TPP2: variants seen among roughly 807,000 people sequenced by gnomAD.
The protein encoded by TPP2 is tripeptidyl-peptidase 2.
A neutral mutation model predicts 155.9 loss-of-function variants in TPP2; 34 were observed. That is an observed-to-expected ratio of 0.22 (90% confidence interval 0.17 to 0.29). The LOEUF is 0.29. Among genes scored for constraint, TPP2 ranks in the 10% least tolerant of loss-of-function variants. The pLI is 1.00. For missense variants in TPP2, 1,028 were observed against 1,522.3 expected (o/e 0.68, Z 5.40); for synonymous variants, 510 against 529.4 (o/e 0.96, Z 0.50).
chr13:102,623,400 C>T (rs916423106), intron 6 of TPP2, among the ~76,000 whole-genome samples: 6 of 152,072 alleles, frequency 3.9e-5, no homozygotes, highest in Admixed American at 6.6e-5. Flanking sequence ...CCCATCTCTA[C>T]TAAAAATATA....
intron 28 of TPP2, among the ~76,000 whole-genome samples, chr13:102,675,780 A>G (rs927200262): frequency 3.9e-5 from 6 of 152,204 alleles, no homozygotes; most frequent in East Asian, 1.9e-4. Flanking sequence ...TACAATACAA[A>G]TCAGTGTCAG....
chr13:102,638,927 C>G (rs560705724), intron 15 of TPP2, among the ~76,000 whole-genome samples: 1 of 152,194 alleles, frequency 6.6e-6, no homozygotes, highest in Admixed American at 6.5e-5. Flanking sequence ...CCTGTCATTC[C>G]GTACACCAAA....
chr13:102,658,271 G>T (rs529969032), intron 25 of TPP2, among the ~76,000 whole-genome samples: 2 of 152,266 alleles, frequency 1.3e-5, no homozygotes, highest in Admixed American at 1.3e-4. Context: ...GTTTTAGAGG[G>T]AATAGAAGTC....
At chr13:102,651,644 T>C (rs1883495225) in intron 24 of TPP2, among the ~76,000 whole-genome samples, 1 of 152,048 alleles carries the variant, frequency 6.6e-6, no homozygotes, top group South Asian at 2.1e-4. Flanking sequence ...ACAAAAATTT[T>C]AATGCTATTC....
At chr13:102,644,817 A>G (rs1273176625) in intron 18 of TPP2, 92 bp from the exon 19 acceptor site, 27 of 1,483,228 alleles carry the variant, frequency 1.8e-5, no homozygotes, top group Non-Finnish European at 2.3e-5. Flanking sequence ...GTGGGTACTT[A>G]TAAACTTTAT....
intron 6 of TPP2, chr13:102,626,793 G>T: frequency 3.0e-6 from 1 of 331,700 alleles, no homozygotes; most frequent in Non-Finnish European, 5.3e-6. Context: ...TTTTTTTATT[G>T]TGAATTTGAA....
chr13:102,627,279 A>G (rs1329636877), intron 7 of TPP2, 113 bp downstream of exon 7: 1 of 999,586 alleles, frequency 1.0e-6, no homozygotes, highest in African/African-American at 1.7e-5. Flanking sequence ...TATATAGTGT[A>G]CAGGACTTTT....
chr13:102,645,215 G>T (rs145490434), intron 19 of TPP2, among the ~76,000 whole-genome samples: 1 of 152,090 alleles, frequency 6.6e-6, no homozygotes, highest in African/African-American at 2.4e-5. Flanking sequence ...CAAGGATGGT[G>T]GATAGCCGAT....
intron 2 of TPP2, among the ~76,000 whole-genome samples, chr13:102,606,002 G>A (rs1052687989): frequency 1.1e-4 from 17 of 152,246 alleles, no homozygotes; most frequent in Non-Finnish European, 1.9e-4. Context: ...GATTATAGGC[G>A]TGAGCCAGGG....
In TPP2 at chr13:102,679,928, G is replaced by T. The variant is rs1351871569; in HGVS notation, c.*1612G>T. ...TTTAACCCAAACTGGACTGCTGCCT[G>T]TTTTTGTAAATAAAGTTTTATTGGA... On this transcript the variant is annotated 3_prime_UTR_variant, in exon 30 of 30. Coordinates refer to ENST00000376052, the MANE Select transcript of TPP2 (RefSeq NM_001330588.2). 1.3e-5 allele frequency: 2 copies of T among 152,174 alleles called. No homozygotes were observed. Among genetic ancestry groups the T allele is most frequent in the Non-Finnish European group, 2.9e-5 (2 of 68,016 alleles). 9.4% of individuals were successfully genotyped at this position (152,174 alleles called of 1,614,324 possible). A position where few individuals can be genotyped will look rare whatever the true frequency, so the allele number is the denominator to read the frequency against.
In TPP2 at chr13:102,675,240, G is replaced by A. The variant is rs532353294; in HGVS notation, c.3579+750G>A. On this transcript the variant is annotated intron_variant, in intron 28 of 29. Transcript: ENST00000376052. Reference sequence around the variant, plus strand: ...GGGAAGAAAATTCTTATATGGTTCAGATTTTTCCAACACAGTACAGTGGTG... The same window carrying A: ...GGGAAGAAAATTCTTATATGGTTCAAATTTTTCCAACACAGTACAGTGGTG... 2.0e-5 allele frequency among the ~76,000 whole-genome samples: 3 copies of A among 152,272 alleles called. No individual in the cohort carries two copies. In the East Asian group the frequency reaches 5.8e-4, roughly 29 times the overall value.
chr13:102,668,075 A>G (rs1259700595), intron 27 of TPP2, among the ~76,000 whole-genome samples: 1 of 152,232 alleles, frequency 6.6e-6, no homozygotes, highest in Non-Finnish European at 1.5e-5. Flanking sequence ...ATGAATGATC[A>G]AAGGTTGGTT....
At chr13:102,648,234 G>A (rs633529) in intron 21 of TPP2, among the ~76,000 whole-genome samples, 75,236 of 151,902 alleles carry the variant, frequency 0.5, 19,038 homozygotes, top group African/African-American at 0.6. Flanking sequence ...TTGAAGATCA[G>A]CTGGGCATGG....
chr13:102,674,310 C>A lies in TPP2; in HGVS notation c.3399C>A (p.Leu1133=), dbSNP rs777074145. 7 of 1,613,552 alleles carry A rather than the reference C, an allele frequency of 4.3e-6. No homozygotes were observed. The Admixed American group carries it at 1.2e-4, about 27-fold the overall frequency. ...KNDMDKQKST[L]VDALCRKGCA... ...ACATGGACAAACAAAAATCCACCCTCGTAGATGCCCTTTGTAGGAAAGGTT... is the reference window on the plus strand; with the variant it reads ...ACATGGACAAACAAAAATCCACCCTAGTAGATGCCCTTTGTAGGAAAGGTT... Residue 1133 remains leucine, a synonymous_variant, in exon 28 of 30, where the codon CTC becomes CTA. Transcript: ENST00000376052.
chr13:102,651,477 CT>C (rs371417370), intron 24 of TPP2, 80 bp downstream of exon 24: 66 of 1,421,966 alleles, frequency 4.6e-5, no homozygotes, highest in South Asian at 7.8e-5. Flanking sequence ...TATTATAAAC[CT>C]TTTTTTTAAT....
chr13:102,608,181 AAG>A (rs1355057328), intron 2 of TPP2, among the ~76,000 whole-genome samples: 2 of 152,204 alleles, frequency 1.3e-5, no homozygotes, highest in African/African-American at 2.4e-5. Flanking sequence ...TTCTAACAAA[AAG>A]AGTTAAATCC....
intron 24 of TPP2, 115 bp from the exon 25 acceptor site, chr13:102,656,939 TAC>T: frequency 9.3e-7 from 1 of 1,075,592 alleles, no homozygotes; most frequent in Non-Finnish European, 1.3e-6. Context: ...GAATCTAGAA[TAC>T]AGTGTAGTAC....
chr13:102,661,267 T>TA (rs1414650532), intron 25 of TPP2, among the ~76,000 whole-genome samples: 1 of 151,002 alleles, frequency 6.6e-6, no homozygotes, highest in Non-Finnish European at 1.5e-5. Flanking sequence ...TTTTTTTTTT[T>TA]TGAGACAGGG....
intron 21 of TPP2, among the ~76,000 whole-genome samples, chr13:102,648,296 C>T (rs1248871681): frequency 6.6e-6 from 1 of 152,172 alleles, no homozygotes; most frequent in African/African-American, 2.4e-5. Context: ...GGGAGGATCG[C>T]TTGAGCCCTG....
Sources: gnomAD v4.1 joint callset for allele counts (sites outside exome capture counted in the v4.1 genomes callset) on GRCh38, gnomAD v4.1.1 for gene constraint, MANE v1.5 for transcripts, NCBI Gene and HGNC (gene_info 2026-07-23, HGNC 2026-07-21) for gene names.